Variants in EYA2 observed in about 807,000 individuals in gnomAD.
The protein encoded by EYA2 is EYA transcriptional coactivator and phosphatase 2.
A neutral mutation model predicts 69.2 loss-of-function variants in EYA2; 31 were observed. That is an observed-to-expected ratio of 0.45 (90% CI 0.34 to 0.60). The LOEUF (loss-of-function observed/expected upper bound fraction) is 0.60, where lower values mean the gene tolerates loss of function less well. EYA2 is among the 20% of genes least tolerant of loss of function. The pLI is 0.02. For missense variants in EYA2, 622 were observed against 701.2 expected (o/e 0.89, Z 1.28); for synonymous variants, 257 against 279.4 (o/e 0.92, Z 0.80).
intron 1 of EYA2, among the ~76,000 whole-genome samples, chr20:46,965,423 GAGTCAC>G (rs1979714181): frequency 6.6e-6 from 1 of 152,250 alleles, no homozygotes; most frequent in South Asian, 2.1e-4. Context: ...CAGGCCGCCA[GAGTCAC>G]CAGGCACCCC....
chr20:46,948,047 G>C (rs529477564), intron 1 of EYA2, among the ~76,000 whole-genome samples: 2 of 149,050 alleles, frequency 1.3e-5, no homozygotes, highest in South Asian at 4.2e-4. Flanking sequence ...AGCCCAGGAG[G>C]TCAAGGCCAT....
intron 9 of EYA2, among the ~76,000 whole-genome samples, chr20:47,140,502 A>G (rs1279857614): frequency 6.6e-6 from 1 of 152,186 alleles, no homozygotes; most frequent in South Asian, 2.1e-4. Context: ...TAGAAATAAT[A>G]TAGCCTCCAG....
intron 1 of EYA2, among the ~76,000 whole-genome samples, chr20:46,935,082 G>A (rs771960446): frequency 2.0e-5 from 3 of 152,224 alleles, no homozygotes; most frequent in Non-Finnish European, 2.9e-5. Flanking sequence ...AGGAGGTTGC[G>A]CACCAGTCTA....
intron 5 of EYA2, among the ~76,000 whole-genome samples, chr20:47,061,534 GAAAAAAAAAAATCCCTCTT>G (rs1211196385): frequency 6.1e-5 from 9 of 146,482 alleles, no homozygotes; most frequent in African/African-American, 1.7e-4. Context: ...TGTCTCAACT[GAAAAAAAAAAATCCCTCTT>G]AATTCATGTT....
chr20:46,969,239 T>G (rs1979983665), intron 1 of EYA2, among the ~76,000 whole-genome samples: 1 of 152,038 alleles, frequency 6.6e-6, no homozygotes, highest in Non-Finnish European at 1.5e-5. Context: ...TGTTTGTTTG[T>G]TTTTTTGACA....
At chr20:46,956,704 G>A (rs780490510) in intron 1 of EYA2, among the ~76,000 whole-genome samples, 1 of 152,204 alleles carries the variant, frequency 6.6e-6, no homozygotes, top group East Asian at 1.9e-4. Context: ...TGTTCAGGAG[G>A]AAGAATATCT....
In EYA2 at chr20:46,907,995, C is replaced by G. The variant is rs910542601; in HGVS notation, c.-11+13008C>G. 7.2e-5 allele frequency among the ~76,000 whole-genome samples: 11 copies of G among 152,296 alleles called. No homozygotes were observed. In the South Asian group the frequency reaches 1.9e-3, roughly 26 times the overall value. On this transcript the variant is annotated intron_variant, in intron 1 of 15. Coordinates refer to ENST00000327619, the MANE Select transcript of EYA2 (RefSeq NM_005244.5). ...TGTGTTTTTCTCTAGAAGCAACTAC[C>G]TGGTTTTCAGTGGCAAGGTGCACAG...
rs1000365024 is a variant in EYA2, at chr20:47,188,353, G to A, written c.*220G>A. On this transcript the variant is annotated 3_prime_UTR_variant, in exon 16 of 16. Coordinates refer to ENST00000327619, the MANE Select transcript of EYA2 (RefSeq NM_005244.5). ...ATTGGCTTCGGAGTATTTGACTTTG[G>A]GGAAAAGGGCTGGCTCGGAGTCTAG... The A allele has an allele frequency of 1.7e-6, 1 of 602,440 alleles. No homozygotes were observed. Among genetic ancestry groups the A allele is most frequent in the East Asian group, 2.8e-5 (1 of 36,356 alleles). 37.3% of individuals were successfully genotyped at this position (602,440 alleles called of 1,614,324 possible). A position where few individuals can be genotyped will look rare whatever the true frequency, so the allele number is the denominator to read the frequency against.
At chr20:47,052,153 G>A (rs1481539523) in intron 5 of EYA2, among the ~76,000 whole-genome samples, 1 of 152,134 alleles carries the variant, frequency 6.6e-6, no homozygotes, top group Non-Finnish European at 1.5e-5. Flanking sequence ...ATATTCCAGT[G>A]GGAATGTGAT....
chr20:46,996,212 CAGT>C (rs1982011847), intron 2 of EYA2, among the ~76,000 whole-genome samples: 2 of 152,320 alleles, frequency 1.3e-5, no homozygotes, highest in African/African-American at 4.8e-5. Flanking sequence ...AGTATGCACT[CAGT>C]ATGCACAGAC....
chr20:47,088,967 G>A (rs1156757674), intron 7 of EYA2, among the ~76,000 whole-genome samples: 1 of 152,174 alleles, frequency 6.6e-6, no homozygotes, highest in Non-Finnish European at 1.5e-5. Context: ...CCTCTCACTA[G>A]CGTTGAAGTG....
At chr20:47,039,975 G>A (rs6124928) in intron 5 of EYA2, among the ~76,000 whole-genome samples, 19,925 of 150,698 alleles carry the variant, frequency 0.13, 1,829 homozygotes, top group South Asian at 0.33. Flanking sequence ...CGAGTAGCTG[G>A]GATTACAGGC....
chr20:47,180,733 C>A, intron 13 of EYA2, 82 bp from the exon 14 acceptor site: 1 of 1,538,766 alleles, frequency 6.5e-7, no homozygotes, highest in Non-Finnish European at 8.8e-7. Flanking sequence ...AGATTTCCCG[C>A]CAACTGCAGG....
intron 5 of EYA2, among the ~76,000 whole-genome samples, chr20:47,016,707 G>A (rs890102725): frequency 6.6e-6 from 1 of 152,208 alleles, no homozygotes; most frequent in African/African-American, 2.4e-5. Flanking sequence ...TTAGGGAAGA[G>A]CATTCCAGGC....
At chr20:46,975,713 G>A (rs773043183) in intron 1 of EYA2, among the ~76,000 whole-genome samples, 1 of 152,080 alleles carries the variant, frequency 6.6e-6, no homozygotes, top group Non-Finnish European at 1.5e-5. Flanking sequence ...TCAGGTGTTC[G>A]AGACTAGCCT....
intron 6 of EYA2, among the ~76,000 whole-genome samples, chr20:47,073,022 T>C (rs1351350581): frequency 6.6e-6 from 1 of 152,230 alleles, no homozygotes; most frequent in Admixed American, 6.5e-5. Flanking sequence ...TAATGTACTA[T>C]GTACATAGAT....
intron 1 of EYA2, among the ~76,000 whole-genome samples, chr20:46,956,926 CT>C (rs1478173413): frequency 6.6e-6 from 1 of 152,178 alleles, no homozygotes; most frequent in Admixed American, 6.5e-5. Flanking sequence ...ACCATCAGAT[CT>C]TGTGAGACTT....
intron 1 of EYA2, among the ~76,000 whole-genome samples, chr20:46,969,415 A>C (rs1980005816): frequency 6.6e-6 from 1 of 152,172 alleles, no homozygotes; most frequent in Non-Finnish European, 1.5e-5. Flanking sequence ...GCTGGCACAT[A>C]GTAGGTTCTC....
At chr20:47,139,761 T>G (rs1322860080) in intron 9 of EYA2, among the ~76,000 whole-genome samples, 1 of 152,056 alleles carries the variant, frequency 6.6e-6, no homozygotes, top group Non-Finnish European at 1.5e-5. Flanking sequence ...CATCCTTAGG[T>G]GCTACTTCTT....
Sources: gnomAD v4.1 joint callset for allele counts (sites outside exome capture counted in the v4.1 genomes callset) on GRCh38, gnomAD v4.1.1 for gene constraint, MANE v1.5 for transcripts, NCBI Gene and HGNC (gene_info 2026-07-23, HGNC 2026-07-21) for gene names.